PCDH15: variants seen among roughly 807,000 people sequenced by gnomAD.
PCDH15 encodes the protein protocadherin-15.
A neutral mutation model predicts 178.5 loss-of-function variants in PCDH15; 129 were observed. The ratio of observed to expected loss-of-function variants is 0.72; its 90% CI spans 0.63 to 0.84. The LOEUF (loss-of-function observed/expected upper bound fraction) is 0.84, where lower values mean the gene tolerates loss of function less well. Ranked by LOEUF, PCDH15 falls within the 40% of genes least tolerant of loss-of-function variation. The pLI is 0.00. For missense variants in PCDH15, 2,230 were observed against 2,099.9 expected, an observed-to-expected ratio of 1.06 and a Z score of -1.21; for synonymous variants, 800 against 732.0, an observed-to-expected ratio of 1.09 and a Z score of -1.50.
Position 54,800,510 on chromosome 10 carries a change from A to G in PCDH15, c.-29+415T>C, listed in dbSNP as rs531056627. ...ATAACCTCCAGCAACAACCACTCAT[A>G]AAACAAATCATCAATATTTGCACAC... is the stretch of plus-strand genomic sequence containing the variant. On this transcript the variant is annotated intron_variant, in intron 1 of 37. Coordinates refer to ENST00000644397, the MANE Select transcript of PCDH15 (RefSeq NM_001384140.1). 2.0e-5 allele frequency among the ~76,000 whole-genome samples: 3 copies of G among 152,314 alleles called. No homozygotes were observed. In the East Asian group the frequency reaches 5.8e-4, roughly 29 times the overall value.
chr10:54,436,891 C>T (rs931572062), intron 3 of PCDH15, among the ~76,000 whole-genome samples: 2 of 152,070 alleles, frequency 1.3e-5, no homozygotes, highest in Non-Finnish European at 2.9e-5. Context: ...AAATGCACAC[C>T]TCTGTCTCTG....
intron 1 of PCDH15, among the ~76,000 whole-genome samples, chr10:55,233,142 A>G (rs567706945): frequency 6.6e-6 from 1 of 152,226 alleles, no homozygotes; most frequent in East Asian, 1.9e-4. Flanking sequence ...TGGTATCTAT[A>G]CTACTTCTAT....
At position 54,779,488 on chromosome 10, in the gene PCDH15, G is replaced by GTATATATATACACACATATGTGTGTGTA. The variant is rs1950117845; in HGVS notation, c.-29+21436_-29+21437insTACACACACATATGTGTGTATATATATA. On this transcript the variant is annotated intron_variant, in intron 1 of 37. Coordinates refer to ENST00000644397, the MANE Select transcript of PCDH15 (RefSeq NM_001384140.1). Reference sequence around the variant, plus strand: ...TGTATATATATACACACATATATATGTATATATATACACACATATATGTGT... The same window carrying GTATATATATACACACATATGTGTGTGTA: ...TGTATATATATACACACATATATATGTATATATATACACACATATGTGTGTGTATATATATATACACACATATATGTGT... 2.1e-4 allele frequency among the ~76,000 whole-genome samples: 11 copies of GTATATATATACACACATATGTGTGTGTA among 53,290 alleles called. 1 individual carries two copies. Among genetic ancestry groups the GTATATATATACACACATATGTGTGTGTA allele is most frequent in the Admixed American group, 1.9e-4 (1 of 5,132 alleles). The allele number at this position is 53,290 out of a possible 152,430, so 35.0% of individuals were successfully genotyped here. A position where few individuals can be genotyped will look rare whatever the true frequency, so the allele number is the denominator to read the frequency against.
At chr10:55,333,587 GTAT>G (rs1020881751) in intron 2 of PCDH15, among the ~76,000 whole-genome samples, 3 of 151,780 alleles carry the variant, frequency 2.0e-5, no homozygotes, top group Admixed American at 6.6e-5. Flanking sequence ...AAATATTATG[GTAT>G]TATTATTTAA....
intron 11 of PCDH15, among the ~76,000 whole-genome samples, chr10:54,190,510 C>T (rs1456680030): frequency 6.6e-6 from 1 of 152,140 alleles, no homozygotes; most frequent in Non-Finnish European, 1.5e-5. Context: ...CTCAAGGGAT[C>T]CTTCTGCCTC....
intron 3 of PCDH15, among the ~76,000 whole-genome samples, chr10:54,833,858 C>A (rs573094286): frequency 1.3e-5 from 2 of 152,136 alleles, no homozygotes; most frequent in Non-Finnish European, 2.9e-5. Context: ...TATGTTGGGG[C>A]TTTCCTCTTC....
intron 2 of PCDH15, among the ~76,000 whole-genome samples, chr10:54,979,818 G>A (rs1814945634): frequency 6.6e-6 from 1 of 151,900 alleles, no homozygotes; most frequent in Non-Finnish European, 1.5e-5. Flanking sequence ...TATTCTACGT[G>A]TAACATACAA....
chr10:54,859,994 C>T (rs1186008697), intron 3 of PCDH15, among the ~76,000 whole-genome samples: 1 of 151,922 alleles, frequency 6.6e-6, no homozygotes, highest in African/African-American at 2.4e-5. Context: ...TCAGACTTAC[C>T]ATGCAACTCC....
chr10:54,116,027 A>T (rs919122354), intron 15 of PCDH15, among the ~76,000 whole-genome samples: 1 of 152,166 alleles, frequency 6.6e-6, no homozygotes, highest in Non-Finnish European at 1.5e-5. Flanking sequence ...TCAATTTTTA[A>T]AAGTCAGGGA....
chr10:54,934,301 G>A (rs1341276644), intron 2 of PCDH15, among the ~76,000 whole-genome samples: 1 of 151,934 alleles, frequency 6.6e-6, no homozygotes, highest in Non-Finnish European at 1.5e-5. Context: ...ACATGAGAGA[G>A]GACCAGAAAA....
At chr10:54,129,067 C>T (rs1375888037) in intron 15 of PCDH15, among the ~76,000 whole-genome samples, 1 of 152,134 alleles carries the variant, frequency 6.6e-6, no homozygotes, top group Non-Finnish European at 1.5e-5. Flanking sequence ...TAATGTGGCT[C>T]ATAAACCTTT....
At chr10:54,479,927 C>T (rs566753470) in intron 3 of PCDH15, among the ~76,000 whole-genome samples, 80 of 152,116 alleles carry the variant, frequency 5.3e-4, no homozygotes, top group African/African-American at 1.8e-3. Context: ...GTACCCATCT[C>T]CAGAAAAAAC....
chr10:54,504,754 A>C (rs1472543461), intron 3 of PCDH15, among the ~76,000 whole-genome samples: 1 of 152,114 alleles, frequency 6.6e-6, no homozygotes, highest in Non-Finnish European at 1.5e-5. Flanking sequence ...GGGTTCTCCT[A>C]ACACACATCT....
intron 32 of PCDH15, chr10:53,823,766 T>C: frequency 2.2e-6 from 1 of 452,588 alleles, no homozygotes; most frequent in Non-Finnish European, 4.4e-6. Context: ...CTGTTACGCA[T>C]AGAAGATTCT....
rs187088223 is a variant in PCDH15 at position 55,345,076 on chromosome 10, A to G, written c.-155-178425T>C. Among the ~76,000 whole-genome samples, 17 of 152,020 alleles carry G rather than the reference A, an allele frequency of 1.1e-4. No homozygotes were observed. In the South Asian group the frequency reaches 2.3e-3, roughly 20 times the overall value. ...TTAAGAAGTCTCTTACTATATCTCT[A>G]TATCTCTCTGTTTCTTTGTATTAAA... On this transcript the variant is annotated intron_variant, in intron 2 of 5. Transcript: ENST00000613346.
chr10:54,502,566 T>A (rs1163192843), intron 3 of PCDH15, among the ~76,000 whole-genome samples: 1 of 152,138 alleles, frequency 6.6e-6, no homozygotes, highest in African/African-American at 2.4e-5. Context: ...TGTTGTGTTC[T>A]ACACTGTGTC....
chr10:54,956,599 C>T (rs1033818431), intron 2 of PCDH15, among the ~76,000 whole-genome samples: 13 of 151,262 alleles, frequency 8.6e-5, no homozygotes, highest in Admixed American at 2.0e-4. Context: ...TATTTAATCA[C>T]GGTATATAAA....
intron 2 of PCDH15, among the ~76,000 whole-genome samples, chr10:55,350,262 TATATATACAC>T (rs1437727890): frequency 0.022 from 1,450 of 66,004 alleles, 25 homozygotes; most frequent in Admixed American, 0.079. Context: ...TATATATATA[TATATATACAC>T]ACACACACAC....
At chr10:54,597,597 A>C (rs2134020984) in intron 2 of PCDH15, among the ~76,000 whole-genome samples, 1 of 152,014 alleles carries the variant, frequency 6.6e-6, no homozygotes, top group Non-Finnish European at 1.5e-5. Context: ...AAACAAACAA[A>C]AAAACCCAAA....
Sources: allele counts gnomAD v4.1 joint callset (sites outside exome capture counted in the v4.1 genomes callset), GRCh38; gene constraint gnomAD v4.1.1; transcripts MANE v1.5; gene names NCBI Gene and HGNC (gene_info 2026-07-23, HGNC 2026-07-21).